The following WSB2 variants were observed in gnomAD, a reference collection of about 807,000 sequenced individuals.
WSB2 encodes the protein WD repeat and SOCS box containing 2.
Under a neutral mutation model 48.8 loss-of-function variants are expected in WSB2, and 12 were observed. That is an observed-to-expected ratio of 0.25 (90% CI 0.16 to 0.40). WSB2 has a LOEUF of 0.40. Among genes scored for constraint, WSB2 ranks in the 10% least tolerant of loss-of-function variants. The pLI, the probability that WSB2 is intolerant of heterozygous loss-of-function variation, is 1.00. For synonymous variants in WSB2, 191 were observed against 203.1 expected (o/e 0.94, Z 0.51); for missense variants, 317 against 506.2 (o/e 0.63, Z 3.59).
At chr12:118,044,569 T>C (rs953623300) in intron 2 of WSB2, among the ~76,000 whole-genome samples, 4 of 152,120 alleles carry the variant, frequency 2.6e-5, no homozygotes, top group African/African-American at 7.2e-5. Context: ...AACAGCAAGG[T>C]AGTCAAGAGA....
intron 1 of WSB2, among the ~76,000 whole-genome samples, chr12:118,054,215 T>TAAAAAAAAA (rs768408616): frequency 4.4e-5 from 1 of 22,812 alleles, no homozygotes; most frequent in African/African-American, 2.0e-4. Flanking sequence ...CTACTAAAAA[T>TAAAAAAAAA]CCAAAAAAAA....
chr12:118,054,681 AAATAAT>A (rs57072102), intron 1 of WSB2, among the ~76,000 whole-genome samples: 5,684 of 130,590 alleles, frequency 0.044, 394 homozygotes, highest in African/African-American at 0.15. Context: ...CTGTCTCAAA[AAATAAT>A]AATAATAATA....
chr12:118,058,328 C>T (rs745959885), intron 1 of WSB2, among the ~76,000 whole-genome samples: 5 of 152,006 alleles, frequency 3.3e-5, no homozygotes, highest in East Asian at 1.9e-4. Context: ...CTATCTAAAG[C>T]GACCATACAC....
upstream of WSB2, chr12:118,061,278 C>A: frequency 1.2e-6 from 1 of 805,550 alleles, no homozygotes; most frequent in Non-Finnish European, 1.5e-6. Flanking sequence ...TGGGGGGCAG[C>A]TGAGGGAAAA....
intron 8 of WSB2, chr12:118,034,593 C>T (rs1455549468): frequency 9.2e-6 from 5 of 541,740 alleles, no homozygotes; most frequent in East Asian, 6.0e-5. Flanking sequence ...GTCTCTCTCT[C>T]GGCACAGCCC....
At chr12:118,046,673 T>G (rs1259617110) in intron 2 of WSB2, among the ~76,000 whole-genome samples, 1 of 152,212 alleles carries the variant, frequency 6.6e-6, no homozygotes, top group Non-Finnish European at 1.5e-5. Flanking sequence ...GAAGCAGCAC[T>G]TAAGAGGCAG....
chr12:118,034,583 GTC>G (rs10624358), intron 8 of WSB2: 60 of 538,258 alleles, frequency 1.1e-4, no homozygotes, highest in African/African-American at 7.9e-4. Flanking sequence ...CGCTCTCTCT[GTC>G]TCTCTCTCGG....
intron 4 of WSB2, 160 bp downstream of exon 4, chr12:118,042,681 C>T: frequency 9.1e-7 from 1 of 1,096,660 alleles, no homozygotes. Context: ...TTGGGGCGGG[C>T]AGGGGCGATT....
rs532916232 is a variant in WSB2, at chr12:118,038,304, G to A, written c.644C>T (p.Ala215Val). The A allele has an allele frequency of 6.2e-7, 1 of 1,613,540 alleles. No homozygotes were observed. The highest frequency in any genetic ancestry group is 1.1e-5 in the South Asian group (1 of 90,968). ...ISPDCSMLCS[A>V]AGEKSVFLWS... is the part of the protein sequence containing the mutation. ...GAGACTCACCGACTTCTCTCCAGCT[G>A]CAGAGCACAGCATGCTGCAGTCTGG... The change falls in exon 5 of 9, where the codon GCA becomes GTA. Residue 215 changes from alanine (A) to valine (V), a missense_variant. Physicochemically the swap from Ala to Val is moderately conservative, Grantham distance 64. Transcript: ENST00000315436.
Position 118,036,158 on chromosome 12 carries a change from C to T in WSB2, c.833+180G>A, listed in dbSNP as rs545987371. 3.4e-4 allele frequency: 228 copies of T among 669,692 alleles called. 1 individual carries two copies. The highest frequency in any genetic ancestry group is 3.1e-3 in the African/African-American group (173 of 55,128). 41.5% of individuals were successfully genotyped at this position (669,692 alleles called of 1,614,324 possible). ...TGGAGGTTGCAGTGATCCAAGATTG[C>T]GCCACTGCACTCCAGCCTGGGTGAC... On this transcript the variant is annotated intron_variant, in intron 6 of 8. Transcript: ENST00000315436.
At chr12:118,061,835 G>A (rs939508758), upstream of WSB2, among the ~76,000 whole-genome samples, 1 of 149,822 alleles carries the variant, frequency 6.7e-6, no homozygotes, top group Non-Finnish European at 1.5e-5. Flanking sequence ...GGGGAGAGCT[G>A]GGCTTAGGGG....
intron 5 of WSB2, among the ~76,000 whole-genome samples, chr12:118,037,617 G>A (rs1238648588): frequency 5.3e-5 from 8 of 150,760 alleles, no homozygotes; most frequent in African/African-American, 9.8e-5. Context: ...GCAGTAAGCC[G>A]AGATTGCGTC....
intron 2 of WSB2, among the ~76,000 whole-genome samples, chr12:118,047,599 C>T (rs951623164): frequency 2.0e-5 from 3 of 152,148 alleles, no homozygotes; most frequent in Non-Finnish European, 2.9e-5. Flanking sequence ...GTGGCGGCTA[C>T]GCCTTTAGGA....
intron 8 of WSB2, chr12:118,034,770 A>T: frequency 1.8e-6 from 1 of 569,866 alleles, no homozygotes; most frequent in South Asian, 2.4e-5. Flanking sequence ...ATTAGGTGGC[A>T]TGACTTACAG....
chr12:118,034,937 T>C, intron 8 of WSB2, 49 bp downstream of exon 8: 1 of 1,564,156 alleles, frequency 6.4e-7, no homozygotes. Flanking sequence ...AGCTCCATGG[T>C]ATACTCAGCA....
At chr12:118,061,722 G>A (rs932744454), upstream of WSB2, among the ~76,000 whole-genome samples, 66 of 148,020 alleles carry the variant, frequency 4.5e-4, no homozygotes, top group African/African-American at 1.6e-3. Context: ...CGAGGGGAGG[G>A]GCAGGTGAAA....
In WSB2 at chr12:118,053,133, T is replaced by C. The variant is rs76486180; in HGVS notation, c.14-655A>G. Among the ~76,000 whole-genome samples the C allele has an allele frequency of 1.7e-3, 253 of 152,170 alleles. 1 individual carries two copies. Among genetic ancestry groups the C allele is most frequent in the African/African-American group, 5.8e-3 (239 of 41,508 alleles). On this transcript the variant is annotated intron_variant, in intron 1 of 8. Coordinates refer to ENST00000315436, the MANE Select transcript of WSB2 (RefSeq NM_018639.5). ...CTGCTAAAGCTGAAATACCCACACA[T>C]CACATCATTTCTTTCAAATACATTA...
At chr12:118,052,204 AC>A in intron 2 of WSB2, 105 bp downstream of exon 2, 1 of 1,444,744 alleles carries the variant, frequency 6.9e-7, no homozygotes, top group Admixed American at 2.3e-5. Context: ...CAATTCCTGA[AC>A]CATGAGCCAC....
At chr12:118,034,942 T>C in intron 8 of WSB2, 44 bp downstream of exon 8, 3 of 1,584,874 alleles carry the variant, frequency 1.9e-6, no homozygotes, top group African/African-American at 1.3e-5. Flanking sequence ...CATGGTATAC[T>C]CAGCAGAAAG....
Sources: allele counts gnomAD v4.1 joint callset (sites outside exome capture counted in the v4.1 genomes callset), GRCh38; gene constraint gnomAD v4.1.1; transcripts MANE v1.5; gene names NCBI Gene and HGNC (gene_info 2026-07-23, HGNC 2026-07-21).